TTC28: variants seen among roughly 807,000 people sequenced by gnomAD.
TTC28 encodes the protein tetratricopeptide repeat protein 28.
A neutral mutation model predicts 198.0 loss-of-function variants in TTC28; 61 were observed. The ratio of observed to expected loss-of-function variants is 0.31; its 90% CI spans 0.25 to 0.38. The LOEUF is 0.38. Among genes scored for constraint, TTC28 ranks in the 10% least tolerant of loss-of-function variants. TTC28 has a pLI of 1.00. For synonymous variants in TTC28, 1,171 were observed against 1,297.8 expected (o/e 0.90, Z 2.10); for missense variants, 2,678 against 3,164.0 (o/e 0.85, Z 3.69).
At chr22:28,073,967 C>G (rs1002869666) in intron 12 of TTC28, among the ~76,000 whole-genome samples, 1 of 152,142 alleles carries the variant, frequency 6.6e-6, no homozygotes, top group Non-Finnish European at 1.5e-5. Context: ...GGAGGAAAAC[C>G]TGGACAGTAC....
At chr22:28,158,845 TG>T (rs928887739) in intron 6 of TTC28, among the ~76,000 whole-genome samples, 12 of 152,180 alleles carry the variant, frequency 7.9e-5, no homozygotes, top group African/African-American at 2.9e-4. Context: ...TCCAGGATAT[TG>T]GTCTGGGCAA....
At chr22:28,451,345 C>A (rs1904708996) in intron 2 of TTC28, among the ~76,000 whole-genome samples, 1 of 152,150 alleles carries the variant, frequency 6.6e-6, no homozygotes, top group African/African-American at 2.4e-5. Context: ...ACAAAGCTTA[C>A]AAATCAACCT....
chr22:28,193,047 C>T (rs1005003803), intron 5 of TTC28, among the ~76,000 whole-genome samples: 2 of 152,144 alleles, frequency 1.3e-5, no homozygotes, highest in African/African-American at 2.4e-5. Context: ...AGAGAAAGGT[C>T]GGGTTATCCA....
chr22:28,478,282 CG>C (rs1211372288), intron 2 of TTC28, among the ~76,000 whole-genome samples: 3 of 152,066 alleles, frequency 2.0e-5, no homozygotes, highest in African/African-American at 7.2e-5. Flanking sequence ...CCGAGGCAAG[CG>C]GATCACCTGA....
intron 2 of TTC28, among the ~76,000 whole-genome samples, chr22:28,567,553 GA>G (rs2049999728): frequency 7.8e-6 from 1 of 127,424 alleles, no homozygotes; most frequent in Non-Finnish European, 1.6e-5. Flanking sequence ...GCTTGCAATT[GA>G]AAAAAAGGCA....
intron 12 of TTC28, among the ~76,000 whole-genome samples, chr22:28,048,251 A>G (rs974922614): frequency 6.6e-6 from 1 of 152,114 alleles, no homozygotes; most frequent in Non-Finnish European, 1.5e-5. Context: ...ATGCTATAAG[A>G]GATCCCACCA....
intron 2 of TTC28, among the ~76,000 whole-genome samples, chr22:28,529,182 G>A (rs571282620): frequency 3.3e-5 from 5 of 152,266 alleles, no homozygotes; most frequent in African/African-American, 7.2e-5. Flanking sequence ...ATGACAGACC[G>A]TACCTGGAAA....
chr22:28,347,946 A>G (rs1307293104), intron 2 of TTC28, among the ~76,000 whole-genome samples: 1 of 152,270 alleles, frequency 6.6e-6, no homozygotes, highest in Non-Finnish European at 1.5e-5. Flanking sequence ...GGGTTTTGGC[A>G]TCTCCCTTCA....
chr22:28,314,444 C>G (rs553367424), intron 2 of TTC28, among the ~76,000 whole-genome samples: 8 of 152,154 alleles, frequency 5.3e-5, no homozygotes, highest in Non-Finnish European at 1.0e-4. Context: ...GGAGGCATCA[C>G]GCTTCCTGAC....
chr22:28,454,927 T>C (rs1435797403), intron 2 of TTC28, among the ~76,000 whole-genome samples: 1 of 152,236 alleles, frequency 6.6e-6, no homozygotes, highest in Admixed American at 6.5e-5. Context: ...GCTGTCTATC[T>C]GGCCACCCAT....
intron 6 of TTC28, among the ~76,000 whole-genome samples, chr22:28,140,131 C>A (rs1035012564): frequency 2.0e-5 from 3 of 152,282 alleles, no homozygotes; most frequent in African/African-American, 7.2e-5. Context: ...TGACTCTCTG[C>A]AGGGTTGTTG....
At chr22:28,281,386 T>A (rs922012221) in intron 5 of TTC28, among the ~76,000 whole-genome samples, 4 of 123,206 alleles carry the variant, frequency 3.2e-5, no homozygotes, top group Admixed American at 3.0e-4. Context: ...TTTTATTAAA[T>A]CCATCAATGA....
In TTC28 at chr22:28,120,012, C is replaced by T. The variant is rs1178891828; in HGVS notation, c.1442-11609G>A. 2.0e-5 allele frequency among the ~76,000 whole-genome samples: 3 copies of T among 152,230 alleles called. No individual in the cohort carries two copies. The East Asian group carries it at 5.8e-4, about 29-fold the overall frequency. On this transcript the variant is annotated intron_variant, in intron 6 of 22. Transcript: ENST00000397906. ...TTAAGAAGACAGATTAAAAAACACC[C>T]AAGTATGGGCTTCCTCCTAATTTCA...
At chr22:28,446,411 C>A (rs2047701893) in intron 2 of TTC28, among the ~76,000 whole-genome samples, 1 of 152,082 alleles carries the variant, frequency 6.6e-6, no homozygotes, top group South Asian at 2.1e-4. Flanking sequence ...TTATCCCCTC[C>A]AAATCTCATG....
intron 5 of TTC28, among the ~76,000 whole-genome samples, chr22:28,213,889 G>C (rs1289583131): frequency 6.6e-6 from 1 of 152,166 alleles, no homozygotes; most frequent in Non-Finnish European, 1.5e-5. Flanking sequence ...ATAGTACAAG[G>C]CTACAGTAAT....
intron 2 of TTC28, among the ~76,000 whole-genome samples, chr22:28,354,481 A>G (rs370783537): frequency 1.9e-3 from 288 of 152,308 alleles, no homozygotes; most frequent in African/African-American, 6.6e-3. Flanking sequence ...AGGCAAATTT[A>G]TATCAACAGA....
At chr22:28,041,045 A>G (rs1424843540) in intron 12 of TTC28, among the ~76,000 whole-genome samples, 3 of 152,196 alleles carry the variant, frequency 2.0e-5, no homozygotes, top group East Asian at 3.9e-4. Flanking sequence ...CGACCTCTTC[A>G]AGGAAAACTA....
At chr22:28,540,328 TG>T (rs948398154) in intron 2 of TTC28, among the ~76,000 whole-genome samples, 12 of 152,108 alleles carry the variant, frequency 7.9e-5, no homozygotes, top group African/African-American at 2.9e-4. Flanking sequence ...GAGAGAGAGT[TG>T]GGTCTGGAGG....
intron 2 of TTC28, among the ~76,000 whole-genome samples, chr22:28,417,370 G>A (rs1313481653): frequency 9.3e-5 from 14 of 151,072 alleles, no homozygotes; most frequent in Admixed American, 9.2e-4. Flanking sequence ...AGCTACTCGG[G>A]AGGCTGAAGC....
Sources: gnomAD v4.1 joint callset for allele counts (sites outside exome capture counted in the v4.1 genomes callset) on GRCh38, gnomAD v4.1.1 for gene constraint, MANE v1.5 for transcripts, NCBI Gene and HGNC (gene_info 2026-07-23, HGNC 2026-07-21) for gene names.